CCNI: variants seen among roughly 807,000 people sequenced by gnomAD.
The protein encoded by CCNI is cyclin-I.
A neutral mutation model predicts 34.1 loss-of-function variants in CCNI; 14 were observed. That is an observed-to-expected ratio of 0.41 (90% CI 0.27 to 0.64). CCNI has a LOEUF of 0.64. CCNI is among the 30% of genes least tolerant of loss of function. The pLI is 0.31. For synonymous variants in CCNI, 154 were observed against 158.4 expected, an observed-to-expected ratio of 0.97 and a Z score of 0.21; for missense variants, 385 against 440.5, an observed-to-expected ratio of 0.87 and a Z score of 1.13.
chr4:77,060,653 T>G (rs1321903613), intron 2 of CCNI, among the ~76,000 whole-genome samples: 1 of 150,864 alleles, frequency 6.6e-6, no homozygotes, highest in Non-Finnish European at 1.5e-5. Context: ...AGATGGAGTC[T>G]CGCTCTGTCA....
At chr4:77,072,955 CTT>C (rs1346160537) in intron 1 of CCNI, among the ~76,000 whole-genome samples, 2 of 152,160 alleles carry the variant, frequency 1.3e-5, no homozygotes, top group Non-Finnish European at 2.9e-5. Flanking sequence ...ATGGGCTTGG[CTT>C]TTCTTTTACT....
intron 5 of CCNI, 93 bp from the exon 6 acceptor site, chr4:77,055,473 T>TG (rs2109801267): frequency 1.1e-6 from 1 of 920,516 alleles, no homozygotes; most frequent in East Asian, 2.6e-5. Context: ...TCTTTTTTTT[T>TG]TTTTTTTGAG....
rs4252865 is a variant in CCNI at position 77,059,076 on chromosome 4, T to C, written c.115-441A>G. ...AAATGAACTATGATAATGGAAATGATAGCCCATTTGAAAAACTAAAATCAA... is the reference window on the plus strand; with the variant it reads ...AAATGAACTATGATAATGGAAATGACAGCCCATTTGAAAAACTAAAATCAA... On this transcript the variant is annotated intron_variant, in intron 2 of 6. Coordinates refer to ENST00000237654, the MANE Select transcript of CCNI (RefSeq NM_006835.3). Among the ~76,000 whole-genome samples the C allele has an allele frequency of 3.5e-3, 539 of 152,220 alleles. 3 individuals carry two copies. Among genetic ancestry groups the C allele is most frequent in the African/African-American group, 0.012 (504 of 41,570 alleles).
At chr4:77,053,155 T>TG (rs1727982051) in intron 6 of CCNI, among the ~76,000 whole-genome samples, 1 of 152,194 alleles carries the variant, frequency 6.6e-6, no homozygotes, top group African/African-American at 2.4e-5. Context: ...TCCGTTCTTC[T>TG]ATTCTATATT....
At chr4:77,055,938 C>G in intron 5 of CCNI, 24 bp downstream of exon 5, 4 of 1,577,310 alleles carry the variant, frequency 2.5e-6, no homozygotes, top group Non-Finnish European at 3.4e-6. Context: ...AAATAAGAAA[C>G]TAAAAGACTT....
Position 77,054,927 on chromosome 4 carries a change from A to G in CCNI, c.690+223T>C, listed in dbSNP as rs536088533. Among the ~76,000 whole-genome samples, 6 of 152,338 alleles carry G rather than the reference A, an allele frequency of 3.9e-5. No individual in the cohort carries two copies. In the South Asian group the frequency reaches 1.0e-3, roughly 26 times the overall value. ...TATGAACATTTTAGAATTCTTAAAA[A>G]TAAGAGAAATGGTTAAAAGGAATCT... On this transcript the variant is annotated intron_variant, in intron 6 of 6. Transcript: ENST00000237654.
At chr4:77,051,372 G>A (rs1727821971) in intron 6 of CCNI, among the ~76,000 whole-genome samples, 1 of 152,096 alleles carries the variant, frequency 6.6e-6, no homozygotes, top group African/African-American at 2.4e-5. Context: ...TCAATACTAT[G>A]GCAGAATCCT....
At chr4:77,075,445 G>GCCCCCC in intron 1 of CCNI, 27 bp downstream of exon 1, 1 of 797,472 alleles carries the variant, frequency 1.3e-6, no homozygotes, top group Non-Finnish European at 1.5e-6. Flanking sequence ...GACGCGTCGA[G>GCCCCCC]CCCCCGCCCC....
chr4:77,060,144 C>G (rs568904748), intron 2 of CCNI, among the ~76,000 whole-genome samples: 1 of 151,404 alleles, frequency 6.6e-6, no homozygotes, highest in Admixed American at 6.6e-5. Context: ...AATAATGTCA[C>G]TATTTGGTGT....
intron 1 of CCNI, among the ~76,000 whole-genome samples, chr4:77,068,712 C>T (rs1265913319): frequency 1.3e-5 from 2 of 151,782 alleles, no homozygotes; most frequent in African/African-American, 4.9e-5. Flanking sequence ...TTTAAATATC[C>T]AGAATTAACA....
rs151206681 is a variant in CCNI at position 77,050,334 on chromosome 4, C to A, written c.691-1672G>T. On this transcript the variant is annotated intron_variant, in intron 6 of 6. Coordinates refer to ENST00000237654, the MANE Select transcript of CCNI (RefSeq NM_006835.3). ...ACTTATCCTCATATAACCTGCAGCA[C>A]TCACCATGACTGTTTGCAATACCAC... 2.3e-3 allele frequency among the ~76,000 whole-genome samples: 343 copies of A among 152,200 alleles called. 2 individuals carry two copies. The highest frequency in any genetic ancestry group is 8.1e-3 in the African/African-American group (335 of 41,524).
intron 1 of CCNI, among the ~76,000 whole-genome samples, chr4:77,068,639 C>T (rs1346622860): frequency 6.6e-6 from 1 of 152,158 alleles, no homozygotes; most frequent in Non-Finnish European, 1.5e-5. Flanking sequence ...ACTTTCTCAA[C>T]TATGTACCTG....
intron 2 of CCNI, chr4:77,065,060 T>G (rs994298714): frequency 1.3e-5 from 2 of 152,220 alleles, no homozygotes; most frequent in African/African-American, 4.8e-5. Context: ...AAATGAGATA[T>G]TAAATGAGAT....
At chr4:77,071,037 G>T (rs1729429441) in intron 1 of CCNI, among the ~76,000 whole-genome samples, 1 of 152,156 alleles carries the variant, frequency 6.6e-6, no homozygotes, top group Admixed American at 6.6e-5. Flanking sequence ...GCCTTCACAA[G>T]CTATCCCAAC....
chr4:77,054,931 G>A (rs1169018190), intron 6 of CCNI, among the ~76,000 whole-genome samples: 4 of 152,056 alleles, frequency 2.6e-5, no homozygotes, highest in Non-Finnish European at 4.4e-5. Flanking sequence ...TTAAAAATAA[G>A]AGAAATGGTT....
Position 77,048,635 on chromosome 4 carries a change from G to A in CCNI, c.718C>T (p.Arg240Trp), listed in dbSNP as rs1727614380. ...QMDSSQLIHCRELVAHHLSTL... is the reference protein window; with the variant it reads ...QMDSSQLIHCWELVAHHLSTL... ...GAAAGGTGATGTGCCACAAGCTCCC[G>A]ACAATGGATCAACTGGGAGCTATCC... The change falls in exon 7 of 7, where the codon CGG becomes TGG. Residue 240 changes from arginine to tryptophan, a missense_variant. Coordinates refer to ENST00000237654, the MANE Select transcript of CCNI (RefSeq NM_006835.3). 2.6e-6 allele frequency: 4 copies of A among 1,550,056 alleles called. No homozygotes were observed. The highest frequency in any genetic ancestry group is 1.2e-5 in the South Asian group (1 of 81,628).
Position 77,075,465 on chromosome 4 carries a change from C to G in CCNI, c.-44+7G>C, listed in dbSNP as rs1435802662. The stretch of plus-strand genomic sequence containing the variant: ...GTCGAGCCCCCGCCCCCGCCCCCGC[C>G]CCTCACCTTCTCCTCCTCTTCCTCC... On this transcript the variant is annotated splice_region_variant and intron_variant, in intron 1 of 6. Transcript: ENST00000237654. The G allele has an allele frequency of 2.5e-6, 2 of 807,500 alleles. No homozygotes were observed. Among genetic ancestry groups the G allele is most frequent in the East Asian group, 2.5e-4 (2 of 7,962 alleles). 50.0% of individuals were successfully genotyped at this position (807,500 alleles called of 1,614,324 possible).
At chr4:77,056,550 A>C in intron 3 of CCNI, 2 of 500,716 alleles carry the variant, frequency 4.0e-6, no homozygotes, top group South Asian at 5.7e-5. Context: ...AAAGGAAGGA[A>C]AGTACACTTG....
chr4:77,068,617 A>G (rs202226490), intron 1 of CCNI, among the ~76,000 whole-genome samples: 1 of 152,210 alleles, frequency 6.6e-6, no homozygotes, highest in East Asian at 1.9e-4. Flanking sequence ...TATAAATTTC[A>G]CTAACAATTT....
Sources: allele counts gnomAD v4.1 joint callset (sites outside exome capture counted in the v4.1 genomes callset), GRCh38; gene constraint gnomAD v4.1.1; transcripts MANE v1.5; gene names NCBI Gene and HGNC (gene_info 2026-07-23, HGNC 2026-07-21).